PJA2: variants seen among roughly 807,000 people sequenced by gnomAD.
PJA2 encodes E3 ubiquitin-protein ligase Praja-2.
PJA2 carries 25 observed loss-of-function variants against 69.3 expected under a neutral mutation model. The observed-to-expected ratio is 0.36, with a 90% CI of 0.26 to 0.50. The LOEUF is 0.50. Ranked by LOEUF, PJA2 falls within the 20% of genes least tolerant of loss-of-function variation. The pLI, the probability that PJA2 is intolerant of heterozygous loss-of-function variation, is 0.96. For synonymous variants in PJA2, 308 were observed against 277.8 expected, an observed-to-expected ratio of 1.11 and a Z score of -1.08; for missense variants, 809 against 830.2, an observed-to-expected ratio of 0.97 and a Z score of 0.31.
At chr5:109,403,328 T>C (rs1344655912) in intron 1 of PJA2, among the ~76,000 whole-genome samples, 4 of 152,034 alleles carry the variant, frequency 2.6e-5, no homozygotes, top group Admixed American at 6.6e-5. Context: ...CAAGAAGAAA[T>C]AGATAACCCT....
intron 9 of PJA2, among the ~76,000 whole-genome samples, chr5:109,343,288 AAAAAG>A (rs1399238164): frequency 4.2e-5 from 4 of 95,890 alleles, no homozygotes; most frequent in East Asian, 4.2e-4. Context: ...AAAAAAAAAA[AAAAAG>A]AAAGAAAGAA....
At chr5:109,354,646 T>C (rs983510227) in intron 7 of PJA2, among the ~76,000 whole-genome samples, 1 of 146,994 alleles carries the variant, frequency 6.8e-6, no homozygotes, top group African/African-American at 2.5e-5. Context: ...AGATATATGT[T>C]ATATATCTAA....
chr5:109,362,579 A>G (rs1011411765), intron 6 of PJA2, among the ~76,000 whole-genome samples: 16 of 152,218 alleles, frequency 1.1e-4, no homozygotes, highest in African/African-American at 3.9e-4. Context: ...TCAGAAATCC[A>G]AAACTAAAAA....
intron 6 of PJA2, among the ~76,000 whole-genome samples, chr5:109,357,381 T>C (rs183156791): frequency 3.6e-4 from 55 of 152,012 alleles, no homozygotes; most frequent in Middle Eastern, 3.4e-3. Context: ...GAAATGGTTC[T>C]TGAAAAGAGT....
chr5:109,404,498 A>G (rs560028674), intron 1 of PJA2, among the ~76,000 whole-genome samples: 1 of 152,296 alleles, frequency 6.6e-6, no homozygotes, highest in African/African-American at 2.4e-5. Flanking sequence ...CCTAGCCGAC[A>G]GAGCAAGACT....
At chr5:109,408,105 C>T (rs1424652267) in intron 1 of PJA2, among the ~76,000 whole-genome samples, 2 of 152,160 alleles carry the variant, frequency 1.3e-5, no homozygotes, top group African/African-American at 2.4e-5. Flanking sequence ...AGCAACTTCA[C>T]TTCTAGGAAC....
At chr5:109,391,460 T>C (rs183133844) in intron 1 of PJA2, among the ~76,000 whole-genome samples, 2 of 152,280 alleles carry the variant, frequency 1.3e-5, no homozygotes, top group East Asian at 1.9e-4. Context: ...GATATTCAAA[T>C]GAGAATAGTA....
chr5:109,378,204 C>T lies in PJA2; in HGVS notation c.1283G>A (p.Ser428Asn). 6.2e-7 allele frequency: 1 copy of T among 1,605,574 alleles called. No individual in the cohort carries two copies. The highest frequency in any genetic ancestry group is 1.1e-5 in the South Asian group (1 of 89,926). ...YYQLYDKDED[S>N]SECSDGEWSA... ...GAAAAAGTACTGGATGTGACCTTACCTATCTTCATCTTTGTCATAGAGTTG... is the reference window on the plus strand; with the variant it reads ...GAAAAAGTACTGGATGTGACCTTACTTATCTTCATCTTTGTCATAGAGTTG... The change falls in exon 4 of 10, where the codon AGT becomes AAT. Residue 428 changes from serine to asparagine, a missense_variant and splice_region_variant. This residue lies in a region of PJA2 where 700 missense variants were observed against 639.5 expected (regional missense o/e 1.09). Coordinates refer to ENST00000361189, the MANE Select transcript of PJA2 (RefSeq NM_014819.5).
intron 3 of PJA2, 127 bp downstream of exon 3, chr5:109,381,375 GA>G: frequency 1.5e-6 from 1 of 647,384 alleles, no homozygotes; most frequent in Non-Finnish European, 2.6e-6. Flanking sequence ...TTTCAAAATA[GA>G]ATTTCTTGAT....
At chr5:109,369,330 T>C (rs1325129602) in intron 4 of PJA2, among the ~76,000 whole-genome samples, 1 of 152,370 alleles carries the variant, frequency 6.6e-6, no homozygotes, top group Non-Finnish European at 1.5e-5. Flanking sequence ...ATGCATGCAG[T>C]AGAGTGTGAC....
chr5:109,378,897 A>G lies in PJA2; in HGVS notation c.590T>C (p.Leu197Ser). 6.2e-7 allele frequency: 1 copy of G among 1,614,156 alleles called. No homozygotes were observed. Among genetic ancestry groups the G allele is most frequent in the Non-Finnish European group, 8.5e-7 (1 of 1,180,030 alleles). The change falls in exon 4 of 10, where the codon TTA (leucine) becomes TCA (serine). Residue 197 changes from leucine to serine, a missense_variant. Transcript: ENST00000361189. ...VVEGSRYQES[L>S]GNTVFELENR... ...TTCCAACTCAAATACTGTATTGCCTAATGATTCCTGGTATCTACTACCTTC... is the reference window on the plus strand; with the variant it reads ...TTCCAACTCAAATACTGTATTGCCTGATGATTCCTGGTATCTACTACCTTC...
At chr5:109,369,011 C>G (rs1031860581) in intron 4 of PJA2, among the ~76,000 whole-genome samples, 1 of 151,828 alleles carries the variant, frequency 6.6e-6, no homozygotes, top group African/African-American at 2.4e-5. Flanking sequence ...TGTGTGGCAC[C>G]TCCCCCCTCA....
intron 5 of PJA2, among the ~76,000 whole-genome samples, chr5:109,365,547 A>T (rs1456900436): frequency 1.3e-5 from 2 of 151,368 alleles, no homozygotes; most frequent in African/African-American, 4.9e-5. Flanking sequence ...GTCTTTCCAT[A>T]CTGTCTAAAC....
intron 5 of PJA2, among the ~76,000 whole-genome samples, chr5:109,368,295 C>A (rs982067990): frequency 6.6e-6 from 1 of 152,162 alleles, no homozygotes; most frequent in South Asian, 2.1e-4. Flanking sequence ...CCTAACTTAA[C>A]CAAAATGACA....
At chr5:109,386,982 G>A (rs1747173494) in intron 1 of PJA2, among the ~76,000 whole-genome samples, 1 of 152,100 alleles carries the variant, frequency 6.6e-6, no homozygotes, top group African/African-American at 2.4e-5. Context: ...TTAATTTAGA[G>A]ACTCTTGTAC....
chr5:109,351,252 C>CCTTACATTCATAAGATGT lies in PJA2; in HGVS notation c.1764+4662_1764+4663insACATCTTATGAATGTAAG, dbSNP rs749211533. Among the ~76,000 whole-genome samples, 267 of 152,024 alleles carry CCTTACATTCATAAGATGT rather than the reference C, an allele frequency of 1.8e-3. 1 individual carries two copies. Among genetic ancestry groups the CCTTACATTCATAAGATGT allele is most frequent in the Admixed American group, 4.4e-3 (67 of 15,260 alleles). ...ATTCCTATTAATTTATTTAGGTGAA[C>CCTTACATTCATAAGATGT]AACGTTTTTCAACCTTACATTCATA... On this transcript the variant is annotated intron_variant, in intron 7 of 9. Transcript: ENST00000361189.
At chr5:109,352,024 T>A (rs1230109397) in intron 7 of PJA2, among the ~76,000 whole-genome samples, 1 of 152,054 alleles carries the variant, frequency 6.6e-6, no homozygotes, top group Non-Finnish European at 1.5e-5. Context: ...TTCAAATAAA[T>A]TAAATCAGAG....
At chr5:109,337,750 T>C (rs1761973263) in intron 9 of PJA2, among the ~76,000 whole-genome samples, 2 of 152,020 alleles carry the variant, frequency 1.3e-5, no homozygotes, top group South Asian at 2.1e-4. Flanking sequence ...TTTAGTCTAT[T>C]ATGCGTTTAC....
intron 1 of PJA2, among the ~76,000 whole-genome samples, chr5:109,389,172 A>G (rs1408990529): frequency 6.6e-6 from 1 of 152,176 alleles, no homozygotes; most frequent in African/African-American, 2.4e-5. Context: ...AAAATATGCA[A>G]ATAAATCTTT....
Sources: gnomAD v4.1 joint callset for allele counts (sites outside exome capture counted in the v4.1 genomes callset) on GRCh38, gnomAD v4.1.1 for gene constraint, gnomAD v4.1.1 regional missense constraint, MANE v1.5 for transcripts, NCBI Gene and HGNC (gene_info 2026-07-23, HGNC 2026-07-21) for gene names.